CACNB4: variants seen among roughly 807,000 people sequenced by gnomAD.
CACNB4 encodes the protein voltage-dependent L-type calcium channel subunit beta-4.
In CACNB4, 32 loss-of-function variants were observed where a neutral mutation model predicts 71.2. The observed-to-expected ratio is 0.45, with a 90% confidence interval of 0.34 to 0.60. CACNB4 has a LOEUF of 0.60. Among genes scored for constraint, CACNB4 ranks in the 20% least tolerant of loss-of-function variants. The probability of loss-of-function intolerance (pLI) is 0.01; values close to 1 mark genes in which losing one functional copy is unlikely to be tolerated. For missense variants in CACNB4, 464 were observed against 647.9 expected (o/e 0.72, Z 3.08); for synonymous variants, 231 against 236.9 (o/e 0.97, Z 0.23).
intron 2 of CACNB4, among the ~76,000 whole-genome samples, chr2:151,889,650 C>G (rs188144149): frequency 1.3e-5 from 2 of 152,140 alleles, no homozygotes; most frequent in East Asian, 3.9e-4. Flanking sequence ...CAGATTTCCC[C>G]GGGTAGATGA....
At position 151,923,753 on chromosome 2, in the gene CACNB4, T is replaced by C. The variant is rs576212776; in HGVS notation, c.148-40383A>G. On this transcript the variant is annotated intron_variant, in intron 2 of 13. Transcript: ENST00000539935. ...ATTCTATTCCTAACCCTCTTGCAGA[T>C]TGGCTGGGTAACCCTAGGAAAGTTC... Among the ~76,000 whole-genome samples, 625 of 152,328 alleles carry C rather than the reference T, an allele frequency of 4.1e-3. 2 individuals carry two copies. Among genetic ancestry groups the C allele is most frequent in the Non-Finnish European group, 6.1e-3 (416 of 68,034 alleles).
At chr2:152,025,466 A>T (rs1235778516) in intron 2 of CACNB4, among the ~76,000 whole-genome samples, 2 of 152,202 alleles carry the variant, frequency 1.3e-5, no homozygotes, top group African/African-American at 4.8e-5. Context: ...CACAGCCTCT[A>T]TTGTAAGCAT....
rs115396620 is a variant in CACNB4 at position 151,975,644 on chromosome 2, T to A, written c.148-92274A>T. ...AGAAAGTCCCTGGCCACGTGGAACCTCGGTTCCCTCCCCCATACACCAAGA... is the reference window on the plus strand; with the variant it reads ...AGAAAGTCCCTGGCCACGTGGAACCACGGTTCCCTCCCCCATACACCAAGA... On this transcript the variant is annotated intron_variant, in intron 2 of 13. Coordinates refer to ENST00000539935, the MANE Select transcript of CACNB4 (RefSeq NM_000726.5). Among the ~76,000 whole-genome samples the A allele has an allele frequency of 9.3e-3, 1,417 of 152,190 alleles. 23 individuals carry two copies. The highest frequency in any genetic ancestry group is 0.032 in the African/African-American group (1,326 of 41,486).
At chr2:151,871,697 T>G (rs1481680905) in intron 6 of CACNB4, 1 of 152,590 alleles carries the variant, frequency 6.6e-6, no homozygotes, top group African/African-American at 2.4e-5. Context: ...TAGGCCAGAA[T>G]AGGGCCTTGG....
intron 2 of CACNB4, among the ~76,000 whole-genome samples, chr2:151,963,129 A>G (rs559359924): frequency 3.9e-5 from 6 of 151,964 alleles, no homozygotes; most frequent in African/African-American, 1.2e-4. Flanking sequence ...TGGCTAACAC[A>G]GTGAAACCCT....
chr2:152,053,988 G>A (rs1685586417), intron 2 of CACNB4, among the ~76,000 whole-genome samples: 1 of 152,156 alleles, frequency 6.6e-6, no homozygotes, highest in African/African-American at 2.4e-5. Context: ...AGTAGCTAGT[G>A]TCAGAATTGA....
At chr2:151,858,775 TCAA>T (rs1457342049) in intron 10 of CACNB4, 2 of 152,238 alleles carry the variant, frequency 1.3e-5, no homozygotes, top group Admixed American at 6.5e-5. Context: ...TACTTGTTTC[TCAA>T]CAACATATTT....
chr2:151,982,683 G>A (rs1015193381), intron 2 of CACNB4, among the ~76,000 whole-genome samples: 1 of 151,596 alleles, frequency 6.6e-6, no homozygotes, highest in Non-Finnish European at 1.5e-5. Flanking sequence ...TCCTTTGGAT[G>A]TGGTGCTGAT....
intron 2 of CACNB4, among the ~76,000 whole-genome samples, chr2:152,015,161 C>T (rs1020151126): frequency 3.3e-5 from 5 of 151,954 alleles, no homozygotes; most frequent in African/African-American, 1.2e-4. Context: ...GAGATGGAGT[C>T]TCGCTCTGTT....
At chr2:152,082,711 G>C (rs1687428861) in intron 2 of CACNB4, among the ~76,000 whole-genome samples, 1 of 152,130 alleles carries the variant, frequency 6.6e-6, no homozygotes, top group African/African-American at 2.4e-5. Context: ...TGTATCAATA[G>C]TTATGTGGTG....
intron 2 of CACNB4, among the ~76,000 whole-genome samples, chr2:152,006,126 C>G (rs188271553): frequency 6.6e-6 from 1 of 152,196 alleles, no homozygotes; most frequent in Non-Finnish European, 1.5e-5. Context: ...CATATGCCCT[C>G]GACACCACTC....
chr2:152,008,142 G>A (rs1213181855), intron 2 of CACNB4, among the ~76,000 whole-genome samples: 1 of 151,812 alleles, frequency 6.6e-6, no homozygotes, highest in Non-Finnish European at 1.5e-5. Context: ...ATTTCCACAA[G>A]CAATGCATAA....
At chr2:151,937,774 C>G (rs765316275) in intron 2 of CACNB4, among the ~76,000 whole-genome samples, 3 of 152,124 alleles carry the variant, frequency 2.0e-5, no homozygotes, top group Non-Finnish European at 4.4e-5. Context: ...ATGTAATGGT[C>G]AAATTCCAAA....
At chr2:152,074,312 A>T (rs1686872839) in intron 2 of CACNB4, among the ~76,000 whole-genome samples, 1 of 151,562 alleles carries the variant, frequency 6.6e-6, no homozygotes, top group South Asian at 2.1e-4. Flanking sequence ...CTTTACCACC[A>T]TCGCCGCCAC....
Position 151,985,666 on chromosome 2 carries a change from CTTAA to C in CACNB4, c.148-102300_148-102297del, listed in dbSNP as rs1331738208. Among the ~76,000 whole-genome samples the C allele has an allele frequency of 5.1e-5, 6 of 117,982 alleles. No homozygotes were observed. In the Admixed American group the frequency reaches 5.1e-4, roughly 10 times the overall value. The allele number at this position is 117,982 out of a possible 152,430, so 77.4% of individuals were successfully genotyped here. A position where few individuals can be genotyped will look rare whatever the true frequency, so the allele number is the denominator to read the frequency against. ...GCCAATAGTAGAAATCCACCGCTGC[CTTAA>C]TTTTCTTTTTTTTTTTTTTGCCAAT... On this transcript the variant is annotated intron_variant, in intron 2 of 13. Coordinates refer to ENST00000539935, the MANE Select transcript of CACNB4 (RefSeq NM_000726.5).
intron 2 of CACNB4, among the ~76,000 whole-genome samples, chr2:152,093,519 C>G (rs1688101276): frequency 6.6e-6 from 1 of 152,082 alleles, no homozygotes; most frequent in African/African-American, 2.4e-5. Context: ...ACTGAGCAGG[C>G]TCTTGGACCT....
At chr2:152,050,645 G>A (rs1329987808) in intron 2 of CACNB4, among the ~76,000 whole-genome samples, 1 of 152,134 alleles carries the variant, frequency 6.6e-6, no homozygotes, top group African/African-American at 2.4e-5. Context: ...AACCCCTGAA[G>A]CTTGAGGCTG....
At chr2:151,915,481 G>A (rs960637653) in intron 2 of CACNB4, among the ~76,000 whole-genome samples, 8 of 152,238 alleles carry the variant, frequency 5.3e-5, no homozygotes, top group African/African-American at 1.7e-4. Context: ...CAGCCACAGT[G>A]GGTGCTGGCT....
At chr2:152,016,809 T>C (rs533946906) in intron 2 of CACNB4, among the ~76,000 whole-genome samples, 6 of 152,328 alleles carry the variant, frequency 3.9e-5, no homozygotes, top group South Asian at 4.1e-4. Context: ...TATACAAAAA[T>C]ATAATATTCA....
Sources: allele counts gnomAD v4.1 joint callset (sites outside exome capture counted in the v4.1 genomes callset), GRCh38; gene constraint gnomAD v4.1.1; transcripts MANE v1.5; gene names NCBI Gene and HGNC (gene_info 2026-07-23, HGNC 2026-07-21).